The following GRM3 variants were observed in gnomAD, a reference collection of about 807,000 sequenced individuals.
GRM3 encodes the protein metabotropic glutamate receptor 3.
Under a neutral mutation model 70.5 loss-of-function variants are expected in GRM3, and 26 were observed. The ratio of observed to expected loss-of-function variants is 0.37; its 90% CI spans 0.27 to 0.51. The LOEUF (loss-of-function observed/expected upper bound fraction) is 0.51. Among genes scored for constraint, GRM3 ranks in the 20% least tolerant of loss-of-function variants. The pLI is 0.93. For synonymous variants in GRM3, 443 were observed against 434.9 expected (o/e 1.02, Z -0.23); for missense variants, 859 against 1,123.8 (o/e 0.76, Z 3.37).
chr7:86,850,642 T>C, intron 5 of GRM3, 98 bp downstream of exon 5: 1 of 802,688 alleles, frequency 1.2e-6, no homozygotes, highest in Non-Finnish European at 2.1e-6. Context: ...CCATGAACAA[T>C]CTCAATTCGA....
chr7:86,724,129 C>T (rs897949340), intron 1 of GRM3, among the ~76,000 whole-genome samples: 1 of 152,130 alleles, frequency 6.6e-6, no homozygotes, highest in Non-Finnish European at 1.5e-5. Flanking sequence ...TTTCCAATAA[C>T]ATGAGCAGAC....
At chr7:86,723,884 G>T (rs1346296957) in intron 1 of GRM3, among the ~76,000 whole-genome samples, 1 of 152,154 alleles carries the variant, frequency 6.6e-6, no homozygotes, top group African/African-American at 2.4e-5. Flanking sequence ...CCTGGCTGAA[G>T]CACAATGCAA....
chr7:86,842,527 G>A (rs186852312), intron 4 of GRM3, among the ~76,000 whole-genome samples: 1 of 152,092 alleles, frequency 6.6e-6, no homozygotes, highest in Non-Finnish European at 1.5e-5. Context: ...TTTGAACTTG[G>A]GAACCTTGCT....
At chr7:86,734,759 G>A (rs1379827769) in intron 1 of GRM3, among the ~76,000 whole-genome samples, 1 of 151,860 alleles carries the variant, frequency 6.6e-6, no homozygotes, top group Non-Finnish European at 1.5e-5. Context: ...ATCTTTCTCT[G>A]GCCTATCATT....
chr7:86,857,792 G>A (rs186195017), intron 5 of GRM3, among the ~76,000 whole-genome samples: 1 of 152,120 alleles, frequency 6.6e-6, no homozygotes, highest in East Asian at 1.9e-4. Context: ...AGTGATGTTG[G>A]GCAACTAAGA....
chr7:86,693,308 G>T (rs1047717696), intron 1 of GRM3, among the ~76,000 whole-genome samples: 9 of 152,188 alleles, frequency 5.9e-5, no homozygotes, highest in African/African-American at 2.2e-4. Flanking sequence ...AAGTGGCAAA[G>T]CCTACCTTAG....
At chr7:86,741,172 A>G (rs1465317997) in intron 1 of GRM3, among the ~76,000 whole-genome samples, 1 of 152,148 alleles carries the variant, frequency 6.6e-6, no homozygotes, top group East Asian at 1.9e-4. Context: ...GACCTCTACT[A>G]ACTCTAATAT....
At chr7:86,856,049 G>C (rs1798839103) in intron 5 of GRM3, among the ~76,000 whole-genome samples, 2 of 152,162 alleles carry the variant, frequency 1.3e-5, no homozygotes, top group South Asian at 4.1e-4. Flanking sequence ...AGTGCAGGAA[G>C]AACTAGAGTA....
intron 1 of GRM3, among the ~76,000 whole-genome samples, chr7:86,671,073 C>T (rs1307742755): frequency 6.6e-6 from 1 of 152,184 alleles, no homozygotes; most frequent in Non-Finnish European, 1.5e-5. Context: ...TTCTGTCTCC[C>T]AGGCTGGAGT....
intron 1 of GRM3, among the ~76,000 whole-genome samples, chr7:86,758,495 G>A (rs1286232254): frequency 1.3e-5 from 2 of 152,134 alleles, no homozygotes. Context: ...GGATGCTAAA[G>A]CAGCTGAAAT....
chr7:86,755,005 A>C (rs1796311162), intron 1 of GRM3, among the ~76,000 whole-genome samples: 1 of 152,004 alleles, frequency 6.6e-6, no homozygotes, highest in African/African-American at 2.4e-5. Flanking sequence ...GGTTCTGAAA[A>C]ATTTTCTTAA....
chr7:86,802,036 G>T (rs1797694526), intron 3 of GRM3, among the ~76,000 whole-genome samples: 2 of 152,184 alleles, frequency 1.3e-5, no homozygotes, highest in South Asian at 4.1e-4. Context: ...GAAAGGAAAA[G>T]AAGAAAAAAG....
At chr7:86,846,015 T>C (rs1798648942) in intron 4 of GRM3, among the ~76,000 whole-genome samples, 1 of 152,266 alleles carries the variant, frequency 6.6e-6, no homozygotes, top group South Asian at 2.1e-4. Context: ...TCTCTCATCA[T>C]GATAATATCT....
chr7:86,761,847 G>T (rs538857250), intron 1 of GRM3, among the ~76,000 whole-genome samples: 13 of 152,216 alleles, frequency 8.5e-5, no homozygotes, highest in African/African-American at 2.6e-4. Flanking sequence ...TTCTTTCAGC[G>T]TAATGCTGTG....
intron 2 of GRM3, among the ~76,000 whole-genome samples, chr7:86,772,979 A>G (rs1796784640): frequency 6.6e-6 from 1 of 151,960 alleles, no homozygotes; most frequent in Non-Finnish European, 1.5e-5. Flanking sequence ...CATGTCTAAA[A>G]CTGAGTTTTT....
intron 3 of GRM3, among the ~76,000 whole-genome samples, chr7:86,791,484 T>G (rs1335159682): frequency 6.6e-6 from 1 of 152,186 alleles, no homozygotes; most frequent in East Asian, 1.9e-4. Flanking sequence ...CACTGTTTTA[T>G]AGATGAATCC....
intron 2 of GRM3, among the ~76,000 whole-genome samples, chr7:86,772,421 C>A (rs879682791): frequency 6.6e-6 from 1 of 152,068 alleles, no homozygotes; most frequent in Non-Finnish European, 1.5e-5. Context: ...TGTTGCAAGG[C>A]GAGCATGTGG....
At chr7:86,813,860 A>G (rs1195527890) in intron 3 of GRM3, among the ~76,000 whole-genome samples, 1 of 151,758 alleles carries the variant, frequency 6.6e-6, no homozygotes, top group African/African-American at 2.4e-5. Context: ...ATTGAACAAG[A>G]CTTGCTGAGA....
At position 86,777,052 on chromosome 7, in the gene GRM3, T is replaced by G. The variant is rs140228730; in HGVS notation, c.469-9209T>G. 4.9e-3 allele frequency among the ~76,000 whole-genome samples: 747 copies of G among 152,280 alleles called. 16 individuals carry two copies. Among genetic ancestry groups the G allele is most frequent in the East Asian group, 0.04 (207 of 5,170 alleles). ...TAAATCTGGATGGAAAGAAAGTTAT[T>G]CCTGAGATAGTTCCTTGTTAGTAAG... On this transcript the variant is annotated intron_variant, in intron 2 of 5. Transcript: ENST00000361669.
Sources: allele counts gnomAD v4.1 joint callset (sites outside exome capture counted in the v4.1 genomes callset), GRCh38; gene constraint gnomAD v4.1.1; transcripts MANE v1.5; gene names NCBI Gene and HGNC (gene_info 2026-07-23, HGNC 2026-07-21).